ZNG1A: variants seen among roughly 807,000 people sequenced by gnomAD.
The protein encoded by ZNG1A is zinc-regulated GTPase metalloprotein activator 1A.
chr9:137,468 C>G, the ZNG1A span, among the ~76,000 whole-genome samples: 1 of 151,488 alleles, frequency 6.6e-6, no homozygotes, highest in African/African-American at 2.4e-5. Flanking sequence ...ACTATCAAAA[C>G]TGCCCACAGC....
the ZNG1A span, among the ~76,000 whole-genome samples, chr9:161,906 C>T: frequency 6.6e-6 from 1 of 151,322 alleles, no homozygotes; most frequent in East Asian, 1.9e-4. Flanking sequence ...TCAATATGTA[C>T]TTTTTAAATT....
At chr9:177,604 A>G in the ZNG1A span, 1 of 1,529,166 alleles carries the variant, frequency 6.5e-7, no homozygotes. Context: ...CAGCGTTTCA[A>G]AAAGGGAAAA....
At chr9:150,022 T>C in the ZNG1A span, 29 of 151,498 alleles carry the variant, frequency 1.9e-4, no homozygotes, top group Admixed American at 1.5e-3. Flanking sequence ...TTGTCAGTAC[T>C]TGTCAGCTAC....
the ZNG1A span, among the ~76,000 whole-genome samples, chr9:155,972 T>TA: frequency 3.0e-4 from 43 of 145,582 alleles, 1 homozygote; most frequent in South Asian, 8.7e-4. Context: ...AATAAAAAAA[T>TA]AAAAAAAAAA....
chr9:164,256 T>C, the ZNG1A span: 1 of 513,010 alleles, frequency 1.9e-6, no homozygotes. Flanking sequence ...TCTCTCTTGT[T>C]ATTTCCTTTA....
the ZNG1A span, chr9:146,803 T>C: frequency 7.3e-6 from 1 of 136,432 alleles, no homozygotes; most frequent in African/African-American, 2.8e-5. Context: ...ACAATTAGCA[T>C]TAGGTTTGGT....
the ZNG1A span, among the ~76,000 whole-genome samples, chr9:152,342 A>G: frequency 1.3e-5 from 2 of 152,216 alleles, no homozygotes; most frequent in African/African-American, 4.8e-5. Context: ...ATTAAGGGCT[A>G]CTTTGTGGTT....
At chr9:155,684 C>T in the ZNG1A span, among the ~76,000 whole-genome samples, 1 of 152,114 alleles carries the variant, frequency 6.6e-6, no homozygotes, top group African/African-American at 2.4e-5. Flanking sequence ...ACTAAATTCA[C>T]TTTAGTTCAC....
chr9:170,418 C>T, the ZNG1A span, among the ~76,000 whole-genome samples: 2 of 150,130 alleles, frequency 1.3e-5, no homozygotes, highest in African/African-American at 5.0e-5. Context: ...TACAGTCTTG[C>T]TCTGTTGCCT....
chr9:177,824 T>C, the ZNG1A span: 1 of 1,241,182 alleles, frequency 8.1e-7, no homozygotes, highest in Non-Finnish European at 1.1e-6. Flanking sequence ...TGAATAACTG[T>C]GGGGAAACGC....
At chr9:156,824 A>C in the ZNG1A span, among the ~76,000 whole-genome samples, 8,411 of 152,084 alleles carry the variant, frequency 0.055, 304 homozygotes, top group African/African-American at 0.099. Context: ...GATTCACATA[A>C]TGTCATAAAA....
the ZNG1A span, among the ~76,000 whole-genome samples, chr9:174,580 A>G: frequency 6.6e-6 from 1 of 151,830 alleles, no homozygotes; most frequent in South Asian, 2.1e-4. Context: ...GATGAAAAAA[A>G]CAGTCTGTTA....
chr9:122,228 A>C, the ZNG1A span: 16 of 1,403,854 alleles, frequency 1.1e-5, no homozygotes, highest in East Asian at 4.0e-4. Flanking sequence ...AAATTACTTA[A>C]TTCCAATTAT....
chr9:136,168 C>A, the ZNG1A span, among the ~76,000 whole-genome samples: 1 of 70,098 alleles, frequency 1.4e-5, no homozygotes, highest in East Asian at 4.4e-4. Context: ...ATTTCATGCC[C>A]TCGATTTTTT....
chr9:156,924 A>C, the ZNG1A span, among the ~76,000 whole-genome samples: 1 of 151,644 alleles, frequency 6.6e-6, no homozygotes. Context: ...ATTTTTAAAA[A>C]AGGATAACCA....
the ZNG1A span, among the ~76,000 whole-genome samples, chr9:177,230 G>A: frequency 1.3e-5 from 2 of 152,178 alleles, no homozygotes; most frequent in East Asian, 3.9e-4. Flanking sequence ...TGTAATTCAT[G>A]TTAAGGAATT....
At chr9:126,817 C>T in the ZNG1A span, among the ~76,000 whole-genome samples, 1 of 152,070 alleles carries the variant, frequency 6.6e-6, no homozygotes, top group East Asian at 1.9e-4. Context: ...TTGATGGAGG[C>T]GCTCAGGGCC....
At chr9:146,866 A>G in the ZNG1A span, 6 of 151,200 alleles carry the variant, frequency 4.0e-5, no homozygotes, top group African/African-American at 1.5e-4. Context: ...TATAATTTTA[A>G]CATAAGCCCA....
At chr9:143,703 G>A in the ZNG1A span, among the ~76,000 whole-genome samples, 3 of 123,210 alleles carry the variant, frequency 2.4e-5, no homozygotes, top group African/African-American at 3.5e-5. Flanking sequence ...AGGGCAATTA[G>A]GCAGGAGAAG....
Sources: allele counts gnomAD v4.1 joint callset (sites outside exome capture counted in the v4.1 genomes callset), GRCh38; gene constraint gnomAD v4.1.1; transcripts MANE v1.5; gene names NCBI Gene and HGNC (gene_info 2026-07-23, HGNC 2026-07-21).